The following BBX variants were observed in gnomAD, a reference collection of about 807,000 sequenced individuals.
BBX encodes HMG box transcription factor BBX.
A neutral mutation model predicts 100.2 loss-of-function variants in BBX; 30 were observed. The observed-to-expected ratio is 0.30, with a 90% confidence interval of 0.22 to 0.41. BBX has a LOEUF of 0.41. Ranked by LOEUF, BBX falls within the 10% of genes least tolerant of loss-of-function variation. BBX has a pLI of 1.00. For synonymous variants in BBX, 376 were observed against 388.1 expected, an observed-to-expected ratio of 0.97 and a Z score of 0.37; for missense variants, 1,023 against 1,129.8, an observed-to-expected ratio of 0.91 and a Z score of 1.35.
intron 2 of BBX, among the ~76,000 whole-genome samples, chr3:107,613,655 CCCAT>C (rs2055017571): frequency 6.6e-6 from 1 of 151,942 alleles, no homozygotes; most frequent in African/African-American, 2.4e-5. Flanking sequence ...GGGGAAAAAA[CCCAT>C]CCATCACATT....
At chr3:107,757,270 C>T (rs2065558912) in intron 10 of BBX, among the ~76,000 whole-genome samples, 1 of 151,520 alleles carries the variant, frequency 6.6e-6, no homozygotes, top group Non-Finnish European at 1.5e-5. Flanking sequence ...GAAGTGGATT[C>T]GTCATTTTCT....
At chr3:107,749,087 C>T (rs181637518) in intron 9 of BBX, among the ~76,000 whole-genome samples, 5 of 152,068 alleles carry the variant, frequency 3.3e-5, no homozygotes, top group Non-Finnish European at 7.4e-5. Context: ...TATTAGGCTT[C>T]CCTGCCATAG....
intron 15 of BBX, among the ~76,000 whole-genome samples, chr3:107,797,364 A>ATATATATATATATATATATAT (rs71113691): frequency 4.6e-5 from 5 of 109,836 alleles, no homozygotes; most frequent in Admixed American, 2.0e-4. Flanking sequence ...ATATATATAT[A>ATATATATATATATATATATAT]GCTTTATTGC....
chr3:107,759,862 T>C (rs1158307822), intron 10 of BBX, among the ~76,000 whole-genome samples: 1 of 152,198 alleles, frequency 6.6e-6, no homozygotes, highest in African/African-American at 2.4e-5. Context: ...GCTGTTCTGC[T>C]TCTCACTTTT....
intron 3 of BBX, among the ~76,000 whole-genome samples, chr3:107,681,319 T>A (rs994569110): frequency 6.6e-6 from 1 of 152,200 alleles, no homozygotes; most frequent in African/African-American, 2.4e-5. Context: ...AATGGTGTTA[T>A]GAAACGTCTT....
intron 3 of BBX, among the ~76,000 whole-genome samples, chr3:107,695,036 G>C (rs1236457982): frequency 6.7e-6 from 1 of 149,482 alleles, no homozygotes; most frequent in Non-Finnish European, 1.5e-5. Flanking sequence ...GGGATCGGTG[G>C]TGATATCCCC....
chr3:107,731,121 G>A (rs969598441), intron 6 of BBX, among the ~76,000 whole-genome samples: 1 of 152,142 alleles, frequency 6.6e-6, no homozygotes, highest in Non-Finnish European at 1.5e-5. Flanking sequence ...AGCATCCTAT[G>A]TATGTCAATA....
At chr3:107,585,722 G>A (rs1317084769) in intron 2 of BBX, among the ~76,000 whole-genome samples, 1 of 152,030 alleles carries the variant, frequency 6.6e-6, no homozygotes, top group Admixed American at 6.6e-5. Context: ...AAAAATAAGA[G>A]AAATAGTCCT....
At position 107,618,396 on chromosome 3, in the gene BBX, A is replaced by T. The variant is rs550909151; in HGVS notation, c.-83-27440A>T. 3.3e-5 allele frequency among the ~76,000 whole-genome samples: 5 copies of T among 152,104 alleles called. No individual in the cohort carries two copies. In the East Asian group the frequency reaches 9.7e-4, roughly 29 times the overall value. ...ATACCAAAATTGTTTTTCTGTTTTC[A>T]ATTTTACTGATTTCTGCTGTTTCTT... On this transcript the variant is annotated intron_variant, in intron 2 of 17. Coordinates refer to ENST00000325805, the MANE Select transcript of BBX (RefSeq NM_001142568.3).
intron 2 of BBX, among the ~76,000 whole-genome samples, chr3:107,556,873 A>G (rs2050131994): frequency 6.6e-6 from 1 of 152,150 alleles, no homozygotes; most frequent in Non-Finnish European, 1.5e-5. Flanking sequence ...GAAGTAAACT[A>G]TTATATTCTT....
intron 2 of BBX, among the ~76,000 whole-genome samples, chr3:107,534,154 G>A (rs583593): frequency 0.29 from 44,008 of 152,006 alleles, 6,879 homozygotes; most frequent in African/African-American, 0.36. Flanking sequence ...TATTGATAGG[G>A]CTTTCATTAT....
intron 2 of BBX, among the ~76,000 whole-genome samples, chr3:107,527,647 T>C (rs1306011398): frequency 6.6e-6 from 1 of 152,218 alleles, no homozygotes; most frequent in Non-Finnish European, 1.5e-5. Flanking sequence ...GCATCGAACA[T>C]TTTCTATGGA....
chr3:107,690,231 A>G (rs1263455626), intron 3 of BBX, among the ~76,000 whole-genome samples: 1 of 152,208 alleles, frequency 6.6e-6, no homozygotes, highest in Non-Finnish European at 1.5e-5. Flanking sequence ...GAAAAAAACT[A>G]AAAGCAGCAT....
At chr3:107,647,562 G>A (rs1465686441) in intron 3 of BBX, among the ~76,000 whole-genome samples, 1 of 152,156 alleles carries the variant, frequency 6.6e-6, no homozygotes, top group Admixed American at 6.5e-5. Context: ...TGACCTATAT[G>A]CTTGTCTTAA....
intron 5 of BBX, among the ~76,000 whole-genome samples, chr3:107,717,879 A>G (rs1052017664): frequency 3.2e-4 from 48 of 152,046 alleles, no homozygotes; most frequent in African/African-American, 1.1e-3. Context: ...AACTTGCAAA[A>G]AGATCTTGAT....
At chr3:107,570,917 C>A (rs775552964) in intron 2 of BBX, among the ~76,000 whole-genome samples, 9 of 152,074 alleles carry the variant, frequency 5.9e-5, no homozygotes, top group South Asian at 2.1e-4. Flanking sequence ...CGTCAGGCAC[C>A]TCAGACCCAT....
intron 1 of BBX, among the ~76,000 whole-genome samples, chr3:107,524,812 G>A (rs1434270718): frequency 7.3e-6 from 1 of 136,998 alleles, no homozygotes; most frequent in Non-Finnish European, 1.6e-5. Context: ...TGGGGGGGGG[G>A]GCGAAGGGGA....
intron 13 of BBX, among the ~76,000 whole-genome samples, chr3:107,779,731 A>G (rs1364198043): frequency 1.3e-5 from 2 of 152,096 alleles, no homozygotes. Context: ...TAGATGAGGG[A>G]AAATTATGGT....
chr3:107,780,363 A>G (rs2067749326), intron 13 of BBX, among the ~76,000 whole-genome samples: 1 of 152,088 alleles, frequency 6.6e-6, no homozygotes, highest in Non-Finnish European at 1.5e-5. Context: ...CAATAGATTT[A>G]TTTTTGTAAA....
Sources: gnomAD v4.1 joint callset for allele counts (sites outside exome capture counted in the v4.1 genomes callset) on GRCh38, gnomAD v4.1.1 for gene constraint, MANE v1.5 for transcripts, NCBI Gene and HGNC (gene_info 2026-07-23, HGNC 2026-07-21) for gene names.